Variants in CAMK2A observed in about 807,000 individuals in gnomAD.
CAMK2A encodes the protein calcium/calmodulin dependent protein kinase II alpha.
CAMK2A carries 7 observed loss-of-function variants against 79.2 expected under a neutral mutation model. That is an observed-to-expected ratio of 0.09 (90% confidence interval 0.05 to 0.17). The LOEUF (loss-of-function observed/expected upper bound fraction) is 0.17, where lower values mean the gene tolerates loss of function less well. Among genes scored for constraint, CAMK2A ranks in the 10% least tolerant of loss-of-function variants. CAMK2A has a pLI of 1.00. For synonymous variants in CAMK2A, 242 were observed against 251.7 expected (o/e 0.96, Z 0.36); for missense variants, 214 against 646.4 (o/e 0.33, Z 7.25).
Position 150,235,797 on chromosome 5 carries a change from T to C in CAMK2A, c.1066+2903A>G, listed in dbSNP as rs541574676. Among the ~76,000 whole-genome samples the C allele has an allele frequency of 3.3e-5, 5 of 152,324 alleles. No individual in the cohort carries two copies. The East Asian group carries it at 5.8e-4, about 18-fold the overall frequency. ...TCAGAGTCCACCCCACCAGCTGTTA[T>C]TCTCACTTAGTAAGAAGACTTAACA... On this transcript the variant is annotated intron_variant, in intron 15 of 18. Transcript: ENST00000671881.
intron 2 of CAMK2A, among the ~76,000 whole-genome samples, chr5:150,270,256 G>A (rs1756691605): frequency 6.6e-6 from 1 of 152,214 alleles, no homozygotes; most frequent in Non-Finnish European, 1.5e-5. Context: ...AACTTCATGG[G>A]TGGAACTCAG....
intron 13 of CAMK2A, among the ~76,000 whole-genome samples, chr5:150,241,649 T>C (rs1444088632): frequency 2.1e-5 from 3 of 144,826 alleles, no homozygotes; most frequent in African/African-American, 7.9e-5. Context: ...CTCCTTCTTT[T>C]CTTCCTCTCT....
At chr5:150,283,558 A>T (rs1259991825) in intron 1 of CAMK2A, among the ~76,000 whole-genome samples, 1 of 152,020 alleles carries the variant, frequency 6.6e-6, no homozygotes, top group Non-Finnish European at 1.5e-5. Flanking sequence ...GGTAACTCTT[A>T]TTCAGCCTCC....
intron 1 of CAMK2A, among the ~76,000 whole-genome samples, chr5:150,279,536 C>T (rs1429878172): frequency 1.3e-5 from 2 of 152,170 alleles, no homozygotes; most frequent in African/African-American, 2.4e-5. Context: ...AGGAACAATG[C>T]CTTGTGTAGG....
intron 6 of CAMK2A, among the ~76,000 whole-genome samples, chr5:150,255,672 C>T (rs546147341): frequency 5.1e-4 from 78 of 152,330 alleles, no homozygotes; most frequent in African/African-American, 1.8e-3. Flanking sequence ...TTTGCTGTCA[C>T]TGAAGAACAA....
Position 150,222,659 on chromosome 5 carries a change from GAC to G in CAMK2A, c.*49_*50del, listed in dbSNP as rs61217791. The G allele has an allele frequency of 0.053, 84,700 of 1,602,842 alleles. 2,979 individuals carry two copies. Among genetic ancestry groups the G allele is most frequent in the Middle Eastern group, 0.15 (911 of 6,046 alleles). ...GGAGAACCAGCAGCTCCACTCCACG[GAC>G]AGAGTGGATCTCTGCGGCACAGCAA... On this transcript the variant is annotated 3_prime_UTR_variant, in exon 19 of 19. Coordinates refer to ENST00000671881, the MANE Select transcript of CAMK2A (RefSeq NM_015981.4).
chr5:150,224,622 C>T (rs554827977), intron 17 of CAMK2A, among the ~76,000 whole-genome samples: 3 of 152,182 alleles, frequency 2.0e-5, no homozygotes, highest in African/African-American at 4.8e-5. Context: ...AATTTGGGCT[C>T]TCAGACATAC....
intron 16 of CAMK2A, among the ~76,000 whole-genome samples, chr5:150,229,946 G>T (rs959825222): frequency 3.3e-5 from 5 of 152,166 alleles, no homozygotes; most frequent in Non-Finnish European, 7.3e-5. Context: ...TAAGCCCCTT[G>T]TTCTTCCAGA....
intron 1 of CAMK2A, among the ~76,000 whole-genome samples, chr5:150,273,426 A>G (rs935117787): frequency 2.0e-5 from 3 of 152,232 alleles, no homozygotes; most frequent in Non-Finnish European, 4.4e-5. Flanking sequence ...TCATGCTGTA[A>G]AACATTAGAA....
intron 15 of CAMK2A, among the ~76,000 whole-genome samples, chr5:150,233,238 G>A (rs868590631): frequency 5.3e-5 from 8 of 152,158 alleles, no homozygotes; most frequent in Admixed American, 2.0e-4. Flanking sequence ...TTATTTCCAC[G>A]TCACAGATGA....
intron 3 of CAMK2A, among the ~76,000 whole-genome samples, chr5:150,263,298 A>C (rs1366064376): frequency 1.3e-5 from 2 of 152,154 alleles, no homozygotes; most frequent in African/African-American, 2.4e-5. Context: ...ATGAGGAGGC[A>C]GTGTTGACCT....
rs752981792 is a variant in CAMK2A at position 150,223,009 on chromosome 5, C to T, written c.1446G>A (p.Gly482=). 6.8e-6 allele frequency: 11 copies of T among 1,614,028 alleles called. No homozygotes were observed. The highest frequency in any genetic ancestry group is 3.3e-5 in the Admixed American group (2 of 60,018). The change falls in exon 18 of 19, where the codon GGG becomes GGA. Residue 482 remains glycine (G), a synonymous_variant. Transcript: ENST00000671881. This position sits in a 1 kb window ranked among gnomAD's most constrained non-coding sequence, Gnocchi z 4.1. Reference sequence around the variant, plus strand: ...CTTACTGGGGCAGGACGGAGGGCGCCCCAGATCTGTGGAAGTGGACGATCT... The same window carrying T: ...CTTACTGGGGCAGGACGGAGGGCGCTCCAGATCTGTGGAAGTGGACGATCT... ...KWQIVHFHRS[G]APSVLPH
intron 3 of CAMK2A, among the ~76,000 whole-genome samples, chr5:150,260,089 T>C (rs1404120924): frequency 6.6e-6 from 1 of 152,238 alleles, no homozygotes; most frequent in Non-Finnish European, 1.5e-5. Context: ...TACGTTTCTA[T>C]CCATTCCTCT....
intron 15 of CAMK2A, among the ~76,000 whole-genome samples, chr5:150,233,957 C>T (rs1184694662): frequency 6.6e-6 from 1 of 152,154 alleles, no homozygotes; most frequent in African/African-American, 2.4e-5. Flanking sequence ...GGATTACAGG[C>T]ATGCACCACC....
In CAMK2A at chr5:150,256,968, G is replaced by A. The variant is rs950868116; in HGVS notation, c.273-137C>T. On this transcript the variant is annotated intron_variant, in intron 4 of 18. Coordinates refer to ENST00000671881, the MANE Select transcript of CAMK2A (RefSeq NM_015981.4). The surrounding 1 kb of genome is among the most constrained non-coding windows in gnomAD (Gnocchi z 4.6). ...ACAAAAGGAGGGGCCCCAGGGTCAC[G>A]GGGGTGTCCCCTGCTGCAATGCCCT... is the stretch of plus-strand genomic sequence containing the variant. The A allele has an allele frequency of 2.3e-5, 15 of 646,926 alleles. No homozygotes were observed. Among genetic ancestry groups the A allele is most frequent in the African/African-American group, 9.1e-5 (5 of 54,750 alleles). 40.1% of individuals were successfully genotyped at this position (646,926 alleles called of 1,614,324 possible).
intron 15 of CAMK2A, among the ~76,000 whole-genome samples, chr5:150,237,389 C>T (rs184615419): frequency 4.5e-4 from 68 of 151,960 alleles, no homozygotes; most frequent in Non-Finnish European, 8.8e-4. Context: ...CCACTACCAC[C>T]ACCACCAGGC....
chr5:150,254,270 C>G (rs1013626875), intron 6 of CAMK2A, among the ~76,000 whole-genome samples: 5 of 152,224 alleles, frequency 3.3e-5, no homozygotes, highest in African/African-American at 1.2e-4. Context: ...GCTTGTTTAT[C>G]ATCTGTCAGC....
At position 150,250,943 on chromosome 5, in the gene CAMK2A, T is replaced by C. The variant is rs893034218; in HGVS notation, c.694-133A>G. 10 of 1,005,660 alleles carry C rather than the reference T, an allele frequency of 9.9e-6. No individual in the cohort carries two copies. The African/African-American group carries it at 1.4e-4, about 14-fold the overall frequency. The allele number at this position is 1,005,660 out of a possible 1,614,324, so 62.3% of individuals were successfully genotyped here. On this transcript the variant is annotated intron_variant, in intron 9 of 18. Coordinates refer to ENST00000671881, the MANE Select transcript of CAMK2A (RefSeq NM_015981.4). Reference sequence around the variant, plus strand: ...ACTCGGACATCCACACCAGGAGGAGTTGGGGCTCCTCACTGCAGGGGAGGG... The same window carrying C: ...ACTCGGACATCCACACCAGGAGGAGCTGGGGCTCCTCACTGCAGGGGAGGG...
intron 1 of CAMK2A, among the ~76,000 whole-genome samples, chr5:150,277,243 C>T (rs1346818478): frequency 6.6e-6 from 1 of 152,178 alleles, no homozygotes; most frequent in Non-Finnish European, 1.5e-5. Context: ...TTCCAAGGTC[C>T]CACCCACACC....
Sources: allele counts gnomAD v4.1 joint callset (sites outside exome capture counted in the v4.1 genomes callset), GRCh38; gene constraint gnomAD v4.1.1; non-coding constraint Gnocchi (gnomAD v3.1); transcripts MANE v1.5; gene names NCBI Gene and HGNC (gene_info 2026-07-23, HGNC 2026-07-21).